WWOX: variants seen among roughly 807,000 people sequenced by gnomAD.
WWOX encodes the protein WW domain-containing oxidoreductase.
A neutral mutation model predicts 46.2 loss-of-function variants in WWOX; 69 were observed. The observed-to-expected ratio is 1.49, with a 90% CI of 1.23 to 1.82. WWOX has a LOEUF of 1.82. Ranked by LOEUF, WWOX falls within the 40% of genes most tolerant of loss-of-function variation. The probability of loss-of-function intolerance (pLI) is 0.00; values close to 1 mark genes in which losing one functional copy is unlikely to be tolerated. For missense variants in WWOX, 919 were observed against 542.6 expected (o/e 1.69, Z -6.89); for synonymous variants, 359 against 202.6 (o/e 1.77, Z -6.56).
chr16:78,527,489 T>G (rs1014028467), intron 8 of WWOX, among the ~76,000 whole-genome samples: 1 of 152,126 alleles, frequency 6.6e-6, no homozygotes, highest in Non-Finnish European at 1.5e-5. Context: ...AGGTGGAGTT[T>G]CGCCATGTTG....
intron 8 of WWOX, among the ~76,000 whole-genome samples, chr16:78,949,434 C>G (rs1336903115): frequency 7.2e-5 from 11 of 152,170 alleles, no homozygotes; most frequent in Admixed American, 2.0e-4. Flanking sequence ...CTCCTACAAC[C>G]TGGACTTTTT....
intron 8 of WWOX, among the ~76,000 whole-genome samples, chr16:78,811,350 T>C (rs917745965): frequency 2.3e-4 from 35 of 152,196 alleles, no homozygotes; most frequent in Non-Finnish European, 4.4e-4. Context: ...TCTACTAGTA[T>C]ATTTATGTCA....
chr16:78,941,003 A>T (rs2045841074), intron 8 of WWOX, among the ~76,000 whole-genome samples: 1 of 149,988 alleles, frequency 6.7e-6, no homozygotes, highest in Non-Finnish European at 1.5e-5. Flanking sequence ...TGGTGTTGGG[A>T]TGTATATATC....
chr16:78,645,812 G>C (rs947592269), intron 8 of WWOX, among the ~76,000 whole-genome samples: 4 of 152,052 alleles, frequency 2.6e-5, no homozygotes, highest in South Asian at 4.2e-4. Context: ...GGGTCTCCTT[G>C]GGCCAAAATC....
At chr16:78,917,619 C>G (rs975509101) in intron 8 of WWOX, among the ~76,000 whole-genome samples, 1 of 152,132 alleles carries the variant, frequency 6.6e-6, no homozygotes, top group African/African-American at 2.4e-5. Context: ...AGCCCTTCTA[C>G]TTGAACTTTC....
chr16:78,907,723 G>C (rs1334207955), intron 8 of WWOX, among the ~76,000 whole-genome samples: 2 of 152,176 alleles, frequency 1.3e-5, no homozygotes, highest in Non-Finnish European at 2.9e-5. Context: ...ACTAGAGGGA[G>C]TATTACCTTA....
intron 5 of WWOX, among the ~76,000 whole-genome samples, chr16:78,353,961 C>T (rs1008210182): frequency 1.2e-4 from 19 of 152,226 alleles, no homozygotes; most frequent in Admixed American, 2.6e-4. Context: ...TGTTCACCTC[C>T]ATCGCTTTCG....
At chr16:78,354,309 T>C (rs2081241194) in intron 5 of WWOX, among the ~76,000 whole-genome samples, 1 of 123,536 alleles carries the variant, frequency 8.1e-6, no homozygotes, top group Non-Finnish European at 1.7e-5. Flanking sequence ...CTGATGTGCT[T>C]AACTTTTTTT....
At chr16:78,911,884 A>T (rs993440275) in intron 8 of WWOX, among the ~76,000 whole-genome samples, 2 of 151,994 alleles carry the variant, frequency 1.3e-5, no homozygotes, top group Non-Finnish European at 2.9e-5. Context: ...AAACTCAACG[A>T]AACACCCCAG....
chr16:78,847,995 G>A (rs2052344982), intron 8 of WWOX, among the ~76,000 whole-genome samples: 1 of 152,114 alleles, frequency 6.6e-6, no homozygotes. Context: ...GAGAGTGGTT[G>A]CCCCAGCTGA....
chr16:78,102,961 C>G (rs139336715), intron 1 of WWOX, among the ~76,000 whole-genome samples: 1,611 of 152,318 alleles, frequency 0.011, 24 homozygotes, highest in African/African-American at 0.035. Context: ...CCACCTCTGC[C>G]TCTGGCTCTG....
At chr16:78,385,430 C>T (rs141621011) in intron 5 of WWOX, among the ~76,000 whole-genome samples, 31 of 152,220 alleles carry the variant, frequency 2.0e-4, no homozygotes, top group Middle Eastern at 3.4e-3. Flanking sequence ...GAACATGTAT[C>T]GTTACAAACC....
intron 8 of WWOX, among the ~76,000 whole-genome samples, chr16:78,909,527 CTTCTGGATGGTTT>C (rs891409951): frequency 5.3e-5 from 8 of 152,248 alleles, no homozygotes; most frequent in Non-Finnish European, 1.2e-4. Context: ...TCCCACGTGC[CTTCTGGATGGTTT>C]TAACCCTCAG....
Position 78,574,425 on chromosome 16 carries a change from C to T in WWOX, c.1056+141673C>T, listed in dbSNP as rs184162107. Among the ~76,000 whole-genome samples the T allele has an allele frequency of 1.2e-3, 176 of 152,182 alleles. 6 individuals are homozygous for T. In the East Asian group the frequency reaches 0.029, roughly 25 times the overall value. On this transcript the variant is annotated intron_variant, in intron 8 of 8. Transcript: ENST00000566780. The stretch of plus-strand genomic sequence containing the variant: ...GCCACAACTTGAAGTATCTTCTCTC[C>T]TCTTTGCTGCCAAATAATGTCTCTG...
intron 4 of WWOX, among the ~76,000 whole-genome samples, chr16:78,127,478 G>C (rs1480095101): frequency 6.8e-6 from 1 of 147,514 alleles, no homozygotes; most frequent in Non-Finnish European, 1.5e-5. Context: ...TTTTTGGCTG[G>C]AGGTCAGTAG....
intron 8 of WWOX, among the ~76,000 whole-genome samples, chr16:78,659,200 C>G (rs1299806412): frequency 6.6e-6 from 1 of 152,006 alleles, no homozygotes; most frequent in African/African-American, 2.4e-5. Context: ...TATTCTTATC[C>G]TCATTTTACA....
At chr16:78,975,793 C>T (rs770421419) in intron 8 of WWOX, among the ~76,000 whole-genome samples, 6 of 152,126 alleles carry the variant, frequency 3.9e-5, no homozygotes, top group African/African-American at 1.4e-4. Context: ...TCAGACAATT[C>T]TGCCAGGCCC....
intron 8 of WWOX, among the ~76,000 whole-genome samples, chr16:79,156,760 C>T (rs751478706): frequency 4.3e-4 from 65 of 150,496 alleles, no homozygotes; most frequent in Non-Finnish European, 8.6e-4. Context: ...TAAGAATATC[C>T]AAGGGATGTA....
At chr16:78,562,187 C>T (rs961283965) in intron 8 of WWOX, among the ~76,000 whole-genome samples, 3 of 152,156 alleles carry the variant, frequency 2.0e-5, no homozygotes, top group Admixed American at 6.5e-5. Context: ...CAAACTGTTT[C>T]GTGGTGGAGT....
Sources: allele counts gnomAD v4.1 joint callset (sites outside exome capture counted in the v4.1 genomes callset), GRCh38; gene constraint gnomAD v4.1.1; transcripts MANE v1.5; gene names NCBI Gene and HGNC (gene_info 2026-07-23, HGNC 2026-07-21).